Variants in TENM3 observed in about 807,000 individuals in gnomAD.
The protein encoded by TENM3 is teneurin-3.
TENM3 carries 63 observed loss-of-function variants against 255.1 expected under a neutral mutation model. That is an observed-to-expected ratio of 0.25 (90% CI 0.20 to 0.30). The LOEUF (loss-of-function observed/expected upper bound fraction) is 0.30, where lower values mean the gene tolerates loss of function less well. TENM3 is among the 10% of genes least tolerant of loss of function. The pLI, the probability that TENM3 is intolerant of heterozygous loss-of-function variation, is 1.00. For synonymous variants in TENM3, 1,306 were observed against 1,322.3 expected, an observed-to-expected ratio of 0.99 and a Z score of 0.27; for missense variants, 2,929 against 3,461.1, an observed-to-expected ratio of 0.85 and a Z score of 3.86.
chr4:182,573,741 G>A lies in TENM3; in HGVS notation c.512-27183G>A, dbSNP rs540240723. Reference sequence around the variant, plus strand: ...GCTTTATATCAGAATTGAATTGTGCGATTTCATATTAAAAAGAAAGGAGAA... The same window carrying A: ...GCTTTATATCAGAATTGAATTGTGCAATTTCATATTAAAAAGAAAGGAGAA... On this transcript the variant is annotated intron_variant, in intron 3 of 27. Transcript: ENST00000511685. Among the ~76,000 whole-genome samples, 11 of 152,224 alleles carry A rather than the reference G, an allele frequency of 7.2e-5. No individual in the cohort carries two copies. The East Asian group carries it at 1.9e-3, about 27-fold the overall frequency.
the TENM3 span, among the ~76,000 whole-genome samples, chr4:181,592,634 A>G: frequency 6.7e-6 from 1 of 149,686 alleles, no homozygotes; most frequent in Non-Finnish European, 1.5e-5. Context: ...CTCTGAAGTT[A>G]CTATTTTGGA....
At chr4:182,587,944 G>A (rs567061446) in intron 3 of TENM3, among the ~76,000 whole-genome samples, 1 of 151,778 alleles carries the variant, frequency 6.6e-6, no homozygotes, top group South Asian at 2.1e-4. Context: ...AGTATGGTAG[G>A]GTATTTTATG....
At chr4:182,709,163 G>C (rs538621734) in intron 12 of TENM3, among the ~76,000 whole-genome samples, 28 of 151,528 alleles carry the variant, frequency 1.8e-4, no homozygotes, top group Non-Finnish European at 3.4e-4. Flanking sequence ...TTGTATTTTT[G>C]GTAGAGTCGG....
intron 24 of TENM3, among the ~76,000 whole-genome samples, chr4:182,775,424 G>T (rs1183869558): frequency 6.6e-6 from 1 of 152,160 alleles, no homozygotes; most frequent in East Asian, 1.9e-4. Flanking sequence ...CCATGACCAT[G>T]AAAACCAGCT....
the TENM3 span, among the ~76,000 whole-genome samples, chr4:181,994,048 A>G: frequency 6.6e-6 from 1 of 152,170 alleles, no homozygotes; most frequent in Non-Finnish European, 1.5e-5. Context: ...CATTCATACA[A>G]TGATTTTCTC....
chr4:182,077,799 T>A, the TENM3 span, among the ~76,000 whole-genome samples: 1 of 152,122 alleles, frequency 6.6e-6, no homozygotes, highest in African/African-American at 2.4e-5. Context: ...ATAACATTTC[T>A]GAAAGAAGGA....
chr4:182,618,996 G>C (rs1749819742), intron 4 of TENM3, among the ~76,000 whole-genome samples: 1 of 152,126 alleles, frequency 6.6e-6, no homozygotes, highest in African/African-American at 2.4e-5. Flanking sequence ...CCAAAGTCTG[G>C]CAGTTAGAGA....
chr4:181,870,394 C>T, the TENM3 span, among the ~76,000 whole-genome samples: 2 of 152,086 alleles, frequency 1.3e-5, no homozygotes, highest in Non-Finnish European at 2.9e-5. Context: ...GCAGTATTTT[C>T]GGGTCTTTGT....
the TENM3 span, among the ~76,000 whole-genome samples, chr4:181,924,542 A>T: frequency 6.6e-6 from 1 of 152,220 alleles, no homozygotes; most frequent in South Asian, 2.1e-4. Flanking sequence ...ATGTTATGCT[A>T]CTAGTCTAAT....
the TENM3 span, among the ~76,000 whole-genome samples, chr4:181,739,857 CTT>C: frequency 6.6e-6 from 1 of 152,136 alleles, no homozygotes; most frequent in South Asian, 2.1e-4. Flanking sequence ...ATCGCATTCT[CTT>C]CACAATTTTC....
At chr4:181,991,740 A>G in the TENM3 span, among the ~76,000 whole-genome samples, 7 of 152,156 alleles carry the variant, frequency 4.6e-5, no homozygotes, top group African/African-American at 1.7e-4. Context: ...GAGGATGAAA[A>G]TGGGCCATGC....
At chr4:181,647,997 C>T in the TENM3 span, among the ~76,000 whole-genome samples, 2 of 152,078 alleles carry the variant, frequency 1.3e-5, no homozygotes, top group Non-Finnish European at 2.9e-5. Context: ...AACAGGGACG[C>T]TCAACTCGAC....
At chr4:181,682,327 T>C in the TENM3 span, among the ~76,000 whole-genome samples, 1 of 152,128 alleles carries the variant, frequency 6.6e-6, no homozygotes, top group Non-Finnish European at 1.5e-5. Context: ...CAGCAGGGTT[T>C]TTCCAAGACA....
At chr4:182,421,326 C>T (rs1209665910) in intron 3 of TENM3, among the ~76,000 whole-genome samples, 3 of 152,156 alleles carry the variant, frequency 2.0e-5, no homozygotes, top group Non-Finnish European at 4.4e-5. Context: ...GATTAAGGAT[C>T]ATCCAACGTC....
chr4:181,978,073 G>C, the TENM3 span, among the ~76,000 whole-genome samples: 1 of 152,210 alleles, frequency 6.6e-6, no homozygotes, highest in African/African-American at 2.4e-5. Flanking sequence ...CAGGGTGACA[G>C]AAGATGAAGT....
chr4:182,080,952 C>T, the TENM3 span, among the ~76,000 whole-genome samples: 5 of 152,088 alleles, frequency 3.3e-5, no homozygotes, highest in Non-Finnish European at 5.9e-5. Flanking sequence ...GATGACACCA[C>T]TGCACTCCAG....
At chr4:182,748,088 C>T (rs1329966131) in intron 19 of TENM3, among the ~76,000 whole-genome samples, 2 of 152,198 alleles carry the variant, frequency 1.3e-5, no homozygotes, top group Non-Finnish European at 2.9e-5. Context: ...CCAGCCTGCA[C>T]TTACCACTGG....
chr4:181,592,159 G>A, the TENM3 span, among the ~76,000 whole-genome samples: 6 of 151,926 alleles, frequency 3.9e-5, no homozygotes, highest in African/African-American at 7.3e-5. Flanking sequence ...TCATGGTTGC[G>A]TGGGTGCATA....
At chr4:182,511,742 T>C (rs1051362455) in intron 3 of TENM3, among the ~76,000 whole-genome samples, 4 of 152,218 alleles carry the variant, frequency 2.6e-5, no homozygotes, top group Non-Finnish European at 4.4e-5. Flanking sequence ...GTTTAGGTTT[T>C]TTAAAACTAT....
Sources: gnomAD v4.1 joint callset for allele counts (sites outside exome capture counted in the v4.1 genomes callset) on GRCh38, gnomAD v4.1.1 for gene constraint, MANE v1.5 for transcripts, NCBI Gene and HGNC (gene_info 2026-07-23, HGNC 2026-07-21) for gene names.